RTN4: variants seen among roughly 807,000 people sequenced by gnomAD.
RTN4 encodes the protein reticulon-4.
In RTN4, 32 loss-of-function variants were observed where a neutral mutation model predicts 90.4. The ratio of observed to expected loss-of-function variants is 0.35; its 90% confidence interval spans 0.27 to 0.48. The LOEUF (loss-of-function observed/expected upper bound fraction) is 0.48, where lower values mean the gene tolerates loss of function less well. RTN4 is among the 20% of genes least tolerant of loss of function. RTN4 has a pLI of 0.99. For missense variants in RTN4, 1,706 were observed against 1,430.2 expected (o/e 1.19, Z -3.11); for synonymous variants, 629 against 552.5 (o/e 1.14, Z -1.94).
chr2:55,099,807 G>C (rs1344269340), intron 1 of RTN4, among the ~76,000 whole-genome samples: 2 of 152,034 alleles, frequency 1.3e-5, no homozygotes, highest in Non-Finnish European at 2.9e-5. Context: ...TAAATATGTA[G>C]AATCCTGTAA....
At chr2:55,116,826 C>G (rs889246280), upstream of RTN4, among the ~76,000 whole-genome samples, 1 of 152,002 alleles carries the variant, frequency 6.6e-6, no homozygotes, top group African/African-American at 2.4e-5. Flanking sequence ...TTCGACACTT[C>G]CCAGAACTCT....
chr2:54,997,761 T>C (rs1297536654), intron 3 of RTN4, among the ~76,000 whole-genome samples: 1 of 152,182 alleles, frequency 6.6e-6, no homozygotes, highest in Non-Finnish European at 1.5e-5. Flanking sequence ...CAGTTAAAAA[T>C]TAGGTGAGTA....
chr2:55,053,613 G>T (rs1198122570), upstream of RTN4, among the ~76,000 whole-genome samples: 1 of 151,498 alleles, frequency 6.6e-6, no homozygotes, highest in East Asian at 1.9e-4. Flanking sequence ...TTGGACCTGA[G>T]AGGCAGGGGT....
chr2:55,055,646 T>A (rs1208097258), upstream of RTN4, among the ~76,000 whole-genome samples: 1 of 151,908 alleles, frequency 6.6e-6, no homozygotes, highest in African/African-American at 2.4e-5. Context: ...GGCGGGCGCC[T>A]GTAGTCCCAG....
At chr2:55,133,056 C>T in the RTN4 span, among the ~76,000 whole-genome samples, 2 of 151,246 alleles carry the variant, frequency 1.3e-5, no homozygotes, top group Non-Finnish European at 3.0e-5. Flanking sequence ...TACTAAAATA[C>T]AAAAATTAGC....
chr2:54,974,087 C>G (rs1312905806), intron 6 of RTN4: 1 of 476,308 alleles, frequency 2.1e-6, no homozygotes, highest in East Asian at 3.7e-5. Context: ...GGAACCATTT[C>G]TAGCTTCAAA....
chr2:54,973,674 CACT>C, intron 7 of RTN4, 53 bp from the exon 8 acceptor site: 2 of 1,517,542 alleles, frequency 1.3e-6, no homozygotes, highest in Non-Finnish European at 1.8e-6. Flanking sequence ...TCTTATTAAC[CACT>C]ACTATGTGTC....
At chr2:55,120,718 G>A in the RTN4 span, among the ~76,000 whole-genome samples, 3 of 152,134 alleles carry the variant, frequency 2.0e-5, no homozygotes, top group Non-Finnish European at 4.4e-5. Context: ...TATTATTAGA[G>A]CAACGGGGAA....
chr2:55,045,656 A>G (rs541884692), intron 1 of RTN4, among the ~76,000 whole-genome samples: 3 of 152,064 alleles, frequency 2.0e-5, no homozygotes, highest in African/African-American at 7.2e-5. Context: ...AACAACAATT[A>G]AAAAAAACAA....
At chr2:55,064,996 T>C (rs1364087256) in intron 2 of RTN4, among the ~76,000 whole-genome samples, 1 of 152,216 alleles carries the variant, frequency 6.6e-6, no homozygotes, top group African/African-American at 2.4e-5. Flanking sequence ...TTATATGTGT[T>C]TGTAAACATT....
intron 2 of RTN4, chr2:55,080,470 G>A (rs1473075625): frequency 6.6e-6 from 1 of 152,122 alleles, no homozygotes; most frequent in East Asian, 1.9e-4. Flanking sequence ...ATATCACAGA[G>A]CAAATTCATA....
chr2:55,078,710 CAG>C (rs1668648481), intron 2 of RTN4, among the ~76,000 whole-genome samples: 1 of 152,148 alleles, frequency 6.6e-6, no homozygotes, highest in Non-Finnish European at 1.5e-5. Flanking sequence ...TTTGTAAACA[CAG>C]AGTAAATGTG....
intron 1 of RTN4, among the ~76,000 whole-genome samples, chr2:55,039,917 TCTTAAA>T (rs1460436715): frequency 6.6e-6 from 1 of 152,230 alleles, no homozygotes; most frequent in Non-Finnish European, 1.5e-5. Flanking sequence ...AGTCTATCAA[TCTTAAA>T]CTTAACCATA....
At chr2:55,015,860 G>A (rs1197349622) in intron 3 of RTN4, among the ~76,000 whole-genome samples, 1 of 152,156 alleles carries the variant, frequency 6.6e-6, no homozygotes, top group Non-Finnish European at 1.5e-5. Context: ...TAAGCAATAT[G>A]AATTGTTGGT....
chr2:54,975,513 C>T (rs2588522), intron 5 of RTN4, among the ~76,000 whole-genome samples: 130,006 of 152,192 alleles, frequency 0.85, 55,970 homozygotes, highest in African/African-American at 0.97. Context: ...TGTGAAGAGC[C>T]AGACAGTAGA....
In RTN4 at chr2:54,972,900, C is replaced by T; in HGVS notation, c.*256G>A. ...TACAGGTTTTTTATTCCACCAGTGC[C>T]TCAGATAGATAGGAAAAAGATATGA... On this transcript the variant is annotated 3_prime_UTR_variant, in exon 9 of 9. Coordinates refer to ENST00000337526, the MANE Select transcript of RTN4 (RefSeq NM_020532.5). The T allele has an allele frequency of 3.3e-6, 1 of 301,706 alleles. No individual in the cohort carries two copies. Among genetic ancestry groups the T allele is most frequent in the Admixed American group, 5.7e-5 (1 of 17,396 alleles). The allele number at this position is 301,706 out of a possible 1,614,324, so 18.7% of individuals were successfully genotyped here.
rs372452207 is a variant in RTN4 at position 55,047,490 on chromosome 2, G to T, written c.556+2255C>A. On this transcript the variant is annotated intron_variant, in intron 1 of 8. Transcript: ENST00000337526. ...GGCAATTAGTGTTTTGAGTAGTATGGGGGTGAGGAGTCCGTCAACATCAAA... is the reference window on the plus strand; with the variant it reads ...GGCAATTAGTGTTTTGAGTAGTATGTGGGTGAGGAGTCCGTCAACATCAAA... Among the ~76,000 whole-genome samples the T allele has an allele frequency of 3.3e-5, 5 of 151,936 alleles. No individual in the cohort carries two copies. In the East Asian group the frequency reaches 7.7e-4, roughly 23 times the overall value.
At chr2:55,005,167 C>G (rs948547936) in intron 3 of RTN4, among the ~76,000 whole-genome samples, 4 of 152,148 alleles carry the variant, frequency 2.6e-5, no homozygotes, top group African/African-American at 9.7e-5. Context: ...GAAGAAACTT[C>G]ATTTGAAAAG....
At chr2:55,112,484 A>G (rs558267274) in intron 1 of RTN4, 7 of 152,396 alleles carry the variant, frequency 4.6e-5, no homozygotes, top group African/African-American at 1.7e-4. Flanking sequence ...AAATCTAAGC[A>G]CGGCCAGAGG....
Sources: gnomAD v4.1 joint callset for allele counts (sites outside exome capture counted in the v4.1 genomes callset) on GRCh38, gnomAD v4.1.1 for gene constraint, MANE v1.5 for transcripts, NCBI Gene and HGNC (gene_info 2026-07-23, HGNC 2026-07-21) for gene names.